Variants in VPS41 observed in about 807,000 individuals in gnomAD.
The protein encoded by VPS41 is VPS41 subunit of HOPS complex.
VPS41 carries 85 observed loss-of-function variants against 130.9 expected under a neutral mutation model. The ratio of observed to expected loss-of-function variants is 0.65; its 90% CI spans 0.55 to 0.78. The LOEUF is 0.78. VPS41 is among the 30% of genes least tolerant of loss of function. The pLI is 0.00. For synonymous variants in VPS41, 335 were observed against 332.9 expected (o/e 1.01, Z -0.07); for missense variants, 874 against 1,018.7 (o/e 0.86, Z 1.93).
intron 2 of VPS41, among the ~76,000 whole-genome samples, chr7:38,874,161 C>T (rs1786435961): frequency 2.0e-5 from 3 of 152,002 alleles, no homozygotes; most frequent in South Asian, 2.1e-4. Flanking sequence ...TATATTGGTA[C>T]ATTTTATATG....
Position 38,771,237 on chromosome 7 carries a change from A to G in VPS41, c.1146T>C (p.Ala382=). ...KKKYEEALMA[A]EISQKNIKRH... ...TTTTAATATTTTTTTGGCTAATTTCAGCTGCCATCAATGCTTCCTTTATTC... is the reference window on the plus strand; with the variant it reads ...TTTTAATATTTTTTTGGCTAATTTCGGCTGCCATCAATGCTTCCTTTATTC... The change falls in exon 14 of 29, where the codon GCT becomes GCC. Residue 382 remains alanine (A), a synonymous_variant. Transcript: ENST00000310301. The G allele has an allele frequency of 6.2e-7, 1 of 1,601,638 alleles. No individual in the cohort carries two copies. Among genetic ancestry groups the G allele is most frequent in the Non-Finnish European group, 8.5e-7 (1 of 1,175,640 alleles).
intron 23 of VPS41, among the ~76,000 whole-genome samples, chr7:38,743,755 G>A (rs1795931692): frequency 6.6e-6 from 1 of 152,046 alleles, no homozygotes; most frequent in African/African-American, 2.4e-5. Context: ...TCATTTAAGT[G>A]CCTCATATAA....
At chr7:38,870,823 T>A (rs373089174) in intron 2 of VPS41, among the ~76,000 whole-genome samples, 36 of 96,328 alleles carry the variant, frequency 3.7e-4, no homozygotes, top group East Asian at 1.2e-3. Context: ...TCTAATCTGT[T>A]AAAAAAAAAA....
At chr7:38,859,171 T>C (rs1322768372) in intron 4 of VPS41, among the ~76,000 whole-genome samples, 8 of 152,130 alleles carry the variant, frequency 5.3e-5, no homozygotes, top group Admixed American at 5.2e-4. Context: ...TAAAGAAATA[T>C]TTTGTACATC....
At chr7:38,774,287 C>A in intron 11 of VPS41, 43 bp from the exon 12 acceptor site, 1 of 1,512,432 alleles carries the variant, frequency 6.6e-7, no homozygotes, top group Non-Finnish European at 8.9e-7. Context: ...AATTACATTT[C>A]TATATATCAT....
chr7:38,862,104 A>G (rs1468949918), intron 4 of VPS41, among the ~76,000 whole-genome samples: 2 of 152,224 alleles, frequency 1.3e-5, no homozygotes, highest in African/African-American at 2.4e-5. Context: ...ACAAACTTCC[A>G]GAGTATGTAA....
At chr7:38,815,409 G>C (rs1397495343) in intron 7 of VPS41, among the ~76,000 whole-genome samples, 1 of 152,172 alleles carries the variant, frequency 6.6e-6, no homozygotes, top group Non-Finnish European at 1.5e-5. Flanking sequence ...GGGCAACAGA[G>C]CAAGACTCCG....
At chr7:38,746,782 C>T (rs1020096803) in intron 22 of VPS41, among the ~76,000 whole-genome samples, 5 of 152,240 alleles carry the variant, frequency 3.3e-5, no homozygotes, top group African/African-American at 1.2e-4. Flanking sequence ...CCCTTAATTT[C>T]TGTGCAGCTT....
intron 25 of VPS41, 68 bp from the exon 26 acceptor site, chr7:38,728,859 G>C (rs1795602197): frequency 7.3e-7 from 1 of 1,376,886 alleles, no homozygotes; most frequent in African/African-American, 1.4e-5. Context: ...AAGGGACACT[G>C]TACTGGGGAT....
At chr7:38,878,883 G>A (rs889996745) in intron 2 of VPS41, among the ~76,000 whole-genome samples, 13 of 152,190 alleles carry the variant, frequency 8.5e-5, no homozygotes, top group East Asian at 3.8e-4. Flanking sequence ...AGGAAACAAC[G>A]CACAGGTGCC....
intron 7 of VPS41, among the ~76,000 whole-genome samples, chr7:38,798,745 G>A (rs1340343470): frequency 6.6e-6 from 1 of 152,136 alleles, no homozygotes; most frequent in Non-Finnish European, 1.5e-5. Flanking sequence ...ATGGCCGGGA[G>A]AACAGCAGGG....
chr7:38,867,482 T>C (rs894974031), intron 3 of VPS41, among the ~76,000 whole-genome samples: 2 of 151,376 alleles, frequency 1.3e-5, no homozygotes, highest in Non-Finnish European at 2.9e-5. Flanking sequence ...GAGGCGGAGG[T>C]TGCAGTGAGC....
chr7:38,880,815 G>C (rs1355919060), intron 2 of VPS41, among the ~76,000 whole-genome samples: 1 of 152,158 alleles, frequency 6.6e-6, no homozygotes, highest in Non-Finnish European at 1.5e-5. Flanking sequence ...TTAAAGCCTT[G>C]ACAGCATAGA....
chr7:38,868,164 G>A (rs996662326), intron 3 of VPS41, among the ~76,000 whole-genome samples: 1 of 152,160 alleles, frequency 6.6e-6, no homozygotes. Flanking sequence ...ATGAAATTTG[G>A]TTGAAGAACT....
At chr7:38,770,931 C>T (rs1477140291) in intron 14 of VPS41, among the ~76,000 whole-genome samples, 1 of 152,102 alleles carries the variant, frequency 6.6e-6, no homozygotes, top group African/African-American at 2.4e-5. Flanking sequence ...AACTTTCATA[C>T]ACATAACTAG....
At chr7:38,775,620 G>A (rs988453460) in intron 11 of VPS41, 2 of 152,016 alleles carry the variant, frequency 1.3e-5, no homozygotes, top group Non-Finnish European at 2.9e-5. Context: ...AGGGCTAGAA[G>A]CCAACCCTAT....
At chr7:38,884,647 G>T (rs773701208) in intron 2 of VPS41, among the ~76,000 whole-genome samples, 1 of 152,092 alleles carries the variant, frequency 6.6e-6, no homozygotes, top group Non-Finnish European at 1.5e-5. Context: ...GAGCCACTGC[G>T]CCTGGCCTAC....
At chr7:38,756,583 G>A (rs1027634468) in intron 19 of VPS41, among the ~76,000 whole-genome samples, 4 of 151,882 alleles carry the variant, frequency 2.6e-5, no homozygotes, top group Non-Finnish European at 5.9e-5. Context: ...CTTTATATGC[G>A]CACACACACA....
intron 5 of VPS41, among the ~76,000 whole-genome samples, chr7:38,828,295 T>C (rs1398070045): frequency 1.1e-5 from 1 of 93,992 alleles, no homozygotes; most frequent in Non-Finnish European, 2.1e-5. Flanking sequence ...AATGTAGAAC[T>C]GCAGAAAAGT....
Sources: allele counts gnomAD v4.1 joint callset (sites outside exome capture counted in the v4.1 genomes callset), GRCh38; gene constraint gnomAD v4.1.1; transcripts MANE v1.5; gene names NCBI Gene and HGNC (gene_info 2026-07-23, HGNC 2026-07-21).